Variants in DAB1 observed in about 807,000 individuals in gnomAD.
DAB1 encodes the protein DAB adaptor protein 1.
Under a neutral mutation model 64.6 loss-of-function variants are expected in DAB1, and 15 were observed. The ratio of observed to expected loss-of-function variants is 0.23; its 90% confidence interval spans 0.16 to 0.36. The LOEUF (loss-of-function observed/expected upper bound fraction) is 0.36. DAB1 is among the 10% of genes least tolerant of loss of function. The pLI, the probability that DAB1 is intolerant of heterozygous loss-of-function variation, is 1.00. For synonymous variants in DAB1, 235 were observed against 251.9 expected, an observed-to-expected ratio of 0.93 and a Z score of 0.64; for missense variants, 596 against 706.7, an observed-to-expected ratio of 0.84 and a Z score of 1.78.
chr1:57,683,236 G>C (rs1646657348), intron 6 of DAB1, among the ~76,000 whole-genome samples: 1 of 152,170 alleles, frequency 6.6e-6, no homozygotes, highest in Non-Finnish European at 1.5e-5. Context: ...TGCTGGGCCT[G>C]TCTTGAAAGA....
intron 2 of DAB1, among the ~76,000 whole-genome samples, chr1:57,161,166 C>G (rs949776946): frequency 3.9e-5 from 6 of 152,036 alleles, no homozygotes; most frequent in African/African-American, 1.4e-4. Context: ...GGGGGAGAGT[C>G]TGAAAGAGTC....
intron 7 of DAB1, among the ~76,000 whole-genome samples, chr1:57,641,283 T>C (rs1488073414): frequency 6.6e-6 from 1 of 152,054 alleles, no homozygotes; most frequent in Non-Finnish European, 1.5e-5. Flanking sequence ...CTTATATTCT[T>C]ATATACCTGA....
intron 6 of DAB1, among the ~76,000 whole-genome samples, chr1:57,690,404 T>C (rs1235794195): frequency 1.3e-5 from 2 of 152,022 alleles, no homozygotes; most frequent in Non-Finnish European, 1.5e-5. Context: ...AGTGAATGAG[T>C]TCTCATGAGG....
intron 5 of DAB1, among the ~76,000 whole-genome samples, chr1:58,009,733 G>A (rs1440720976): frequency 6.6e-6 from 1 of 152,040 alleles, no homozygotes; most frequent in Non-Finnish European, 1.5e-5. Context: ...CCACCATAGT[G>A]GAATATTTCC....
intron 1 of DAB1, among the ~76,000 whole-genome samples, chr1:57,390,938 T>C (rs78029207): frequency 0.01 from 1,540 of 152,312 alleles, 37 homozygotes; most frequent in African/African-American, 0.035. Context: ...ATTCCATTGC[T>C]GTCCTTCTAA....
chr1:57,993,941 G>A (rs774423413), intron 5 of DAB1, among the ~76,000 whole-genome samples: 1 of 152,154 alleles, frequency 6.6e-6, no homozygotes, highest in Non-Finnish European at 1.5e-5. Context: ...GCTAAGTGCT[G>A]AAAACACAGA....
intron 2 of DAB1, among the ~76,000 whole-genome samples, chr1:57,165,223 C>T (rs1444425249): frequency 6.6e-6 from 1 of 151,922 alleles, no homozygotes; most frequent in Non-Finnish European, 1.5e-5. Flanking sequence ...TTTTTTGTCG[C>T]CTTTCTGCAA....
intron 2 of DAB1, among the ~76,000 whole-genome samples, chr1:57,189,058 A>G (rs549909365): frequency 6.6e-6 from 1 of 152,222 alleles, no homozygotes; most frequent in South Asian, 2.1e-4. Flanking sequence ...GTTGGACTCC[A>G]CTTGACATTG....
intron 1 of DAB1, among the ~76,000 whole-genome samples, chr1:57,858,419 C>G (rs1181038657): frequency 6.6e-6 from 1 of 152,028 alleles, no homozygotes; most frequent in Non-Finnish European, 1.5e-5. Context: ...TTTCTTAGAG[C>G]CAGCTTATTG....
chr1:57,791,186 C>T (rs931764340), intron 6 of DAB1, among the ~76,000 whole-genome samples: 1 of 152,160 alleles, frequency 6.6e-6, no homozygotes, highest in African/African-American at 2.4e-5. Context: ...AGAAATATGA[C>T]ACAAAGTGTC....
chr1:57,078,816 C>T (rs1652220812), intron 4 of DAB1, among the ~76,000 whole-genome samples: 1 of 152,146 alleles, frequency 6.6e-6, no homozygotes, highest in Non-Finnish European at 1.5e-5. Flanking sequence ...TACGCCGGCT[C>T]TATGATTCTT....
intron 1 of DAB1, among the ~76,000 whole-genome samples, chr1:57,409,711 A>C (rs796844592): frequency 1.3e-5 from 2 of 152,218 alleles, no homozygotes; most frequent in African/African-American, 4.8e-5. Context: ...CGGGAGGCTG[A>C]GGCAGGAGAA....
At chr1:57,537,109 A>C (rs1175166493) in intron 7 of DAB1, among the ~76,000 whole-genome samples, 1 of 152,258 alleles carries the variant, frequency 6.6e-6, no homozygotes, top group Non-Finnish European at 1.5e-5. Flanking sequence ...ACTGTGTTAG[A>C]TAAAATACGT....
At chr1:57,850,114 A>C (rs1203044703) in intron 1 of DAB1, among the ~76,000 whole-genome samples, 1 of 152,158 alleles carries the variant, frequency 6.6e-6, no homozygotes, top group Non-Finnish European at 1.5e-5. Context: ...GTAACTCAAG[A>C]AGCTGCTCTG....
At chr1:57,772,034 T>G (rs1023626434) in intron 6 of DAB1, among the ~76,000 whole-genome samples, 2 of 152,182 alleles carry the variant, frequency 1.3e-5, no homozygotes, top group Non-Finnish European at 2.9e-5. Context: ...CCAAAAAGAC[T>G]GCATTGGAAA....
intron 3 of DAB1, among the ~76,000 whole-genome samples, chr1:58,500,434 T>C (rs1297308873): frequency 6.6e-6 from 1 of 152,220 alleles, no homozygotes; most frequent in Non-Finnish European, 1.5e-5. Context: ...AATGATTTAT[T>C]CATTTACTTT....
chr1:57,188,633 CT>C (rs1557898599), intron 2 of DAB1, among the ~76,000 whole-genome samples: 2 of 118,280 alleles, frequency 1.7e-5, no homozygotes, highest in African/African-American at 7.7e-5. Context: ...AGTCCCAATG[CT>C]TTCCCAGCAT....
chr1:57,747,618 G>A (rs538469761), intron 6 of DAB1, among the ~76,000 whole-genome samples: 92 of 151,980 alleles, frequency 6.1e-4, no homozygotes, highest in Non-Finnish European at 1.1e-3. Flanking sequence ...GACCATCCTG[G>A]CTAACACAGT....
At chr1:57,908,393 A>G (rs1644590007) in intron 5 of DAB1, among the ~76,000 whole-genome samples, 1 of 152,128 alleles carries the variant, frequency 6.6e-6, no homozygotes, top group Non-Finnish European at 1.5e-5. Context: ...CGATTTAACC[A>G]ATATAGATTT....
Sources: gnomAD v4.1 joint callset for allele counts (sites outside exome capture counted in the v4.1 genomes callset) on GRCh38, gnomAD v4.1.1 for gene constraint, MANE v1.5 for transcripts, NCBI Gene and HGNC (gene_info 2026-07-23, HGNC 2026-07-21) for gene names.